The following DLG2 variants were observed in gnomAD, a reference collection of about 807,000 sequenced individuals.
The protein encoded by DLG2 is disks large homolog 2.
In DLG2, 45 loss-of-function variants were observed where a neutral mutation model predicts 132.5. The ratio of observed to expected loss-of-function variants is 0.34; its 90% CI spans 0.27 to 0.44. The LOEUF is 0.44. Among genes scored for constraint, DLG2 ranks in the 20% least tolerant of loss-of-function variants. The probability of loss-of-function intolerance (pLI) is 1.00; values close to 1 mark genes in which losing one functional copy is unlikely to be tolerated. For synonymous variants in DLG2, 424 were observed against 419.6 expected, an observed-to-expected ratio of 1.01 and a Z score of -0.13; for missense variants, 1,045 against 1,196.9, an observed-to-expected ratio of 0.87 and a Z score of 1.87.
chr11:83,986,930 G>A (rs1190436441), intron 11 of DLG2, among the ~76,000 whole-genome samples: 4 of 152,054 alleles, frequency 2.6e-5, no homozygotes, highest in Non-Finnish European at 5.9e-5. Context: ...TTGTAAATTT[G>A]TTTGAGTTCA....
intron 6 of DLG2, among the ~76,000 whole-genome samples, chr11:85,107,736 T>A (rs1425337543): frequency 6.6e-6 from 1 of 151,854 alleles, no homozygotes; most frequent in Non-Finnish European, 1.5e-5. Context: ...AGGAAGGCTA[T>A]CATTCTAGTG....
At chr11:84,116,987 C>A (rs987109325) in intron 9 of DLG2, among the ~76,000 whole-genome samples, 2 of 152,152 alleles carry the variant, frequency 1.3e-5, no homozygotes, top group African/African-American at 4.8e-5. Context: ...AATCAAACCC[C>A]AGTATTCACT....
intron 6 of DLG2, among the ~76,000 whole-genome samples, chr11:85,069,726 A>C (rs1057401052): frequency 4.6e-5 from 7 of 152,176 alleles, no homozygotes. Context: ...TAGTTTAACC[A>C]TTGTGGAAGT....
chr11:84,513,721 T>C (rs553191515), intron 7 of DLG2, among the ~76,000 whole-genome samples: 16 of 151,376 alleles, frequency 1.1e-4, no homozygotes, highest in Admixed American at 5.3e-4. Context: ...CCTGATACTA[T>C]GAAAGCATCA....
At chr11:84,840,095 C>T (rs2154006698) in intron 6 of DLG2, among the ~76,000 whole-genome samples, 1 of 152,126 alleles carries the variant, frequency 6.6e-6, no homozygotes, top group Non-Finnish European at 1.5e-5. Context: ...ACCCATCTGA[C>T]AAAGGGCTAA....
At chr11:85,354,879 A>C (rs944677620) in intron 3 of DLG2, among the ~76,000 whole-genome samples, 11 of 152,068 alleles carry the variant, frequency 7.2e-5, no homozygotes, top group African/African-American at 2.4e-4. Context: ...AAGACACTAC[A>C]AAAGTGAAAG....
At chr11:85,236,508 G>A (rs1257026270) in intron 4 of DLG2, among the ~76,000 whole-genome samples, 1 of 151,908 alleles carries the variant, frequency 6.6e-6, no homozygotes, top group Non-Finnish European at 1.5e-5. Context: ...TTGAATGAGG[G>A]TCTCACCCTG....
chr11:83,704,324 C>T (rs1407072371), intron 18 of DLG2, among the ~76,000 whole-genome samples: 1 of 151,974 alleles, frequency 6.6e-6, no homozygotes, highest in Non-Finnish European at 1.5e-5. Context: ...TATAACCTCC[C>T]TTATGTATTT....
chr11:83,720,149 C>T (rs1004671985), intron 18 of DLG2, among the ~76,000 whole-genome samples: 1 of 151,612 alleles, frequency 6.6e-6, no homozygotes, highest in African/African-American at 2.4e-5. Flanking sequence ...AAAAAATTAG[C>T]TGAGCATGGT....
chr11:84,499,924 G>A (rs2079414721), intron 7 of DLG2, among the ~76,000 whole-genome samples: 2 of 152,142 alleles, frequency 1.3e-5, no homozygotes, highest in South Asian at 2.1e-4. Context: ...GTCTGATCAT[G>A]GGCAAGATTA....
intron 3 of DLG2, among the ~76,000 whole-genome samples, chr11:85,413,780 C>T (rs1304798653): frequency 6.6e-6 from 1 of 151,990 alleles, no homozygotes; most frequent in Admixed American, 6.6e-5. Flanking sequence ...TATACCAGTG[C>T]CATGCTGTTT....
chr11:84,263,940 T>C (rs1384351805), intron 7 of DLG2, among the ~76,000 whole-genome samples: 1 of 152,172 alleles, frequency 6.6e-6, no homozygotes. Flanking sequence ...TGGGCGCTCA[T>C]TACAAGACGA....
chr11:83,808,304 C>T (rs2046438123), intron 17 of DLG2, among the ~76,000 whole-genome samples: 1 of 152,136 alleles, frequency 6.6e-6, no homozygotes, highest in Non-Finnish European at 1.5e-5. Context: ...ATTCCTGTGG[C>T]CAAGTTCAGT....
chr11:84,393,075 C>A (rs991254412), intron 7 of DLG2, among the ~76,000 whole-genome samples: 1 of 152,108 alleles, frequency 6.6e-6, no homozygotes, highest in Non-Finnish European at 1.5e-5. Context: ...AACGTGTGAG[C>A]TATAATGTGT....
At chr11:83,706,083 T>C (rs1464436993) in intron 18 of DLG2, among the ~76,000 whole-genome samples, 1 of 152,010 alleles carries the variant, frequency 6.6e-6, no homozygotes, top group Admixed American at 6.6e-5. Flanking sequence ...CTGGGCATGG[T>C]GGCGGGTGCC....
At chr11:85,360,518 GCTGTAAGT>G (rs2084063544) in intron 3 of DLG2, among the ~76,000 whole-genome samples, 1 of 152,110 alleles carries the variant, frequency 6.6e-6, no homozygotes, top group African/African-American at 2.4e-5. Context: ...CCTCCTCATA[GCTGTAAGT>G]CTTATTTTTG....
chr11:83,809,385 G>C (rs949404717), intron 17 of DLG2, among the ~76,000 whole-genome samples: 1 of 152,116 alleles, frequency 6.6e-6, no homozygotes, highest in African/African-American at 2.4e-5. Context: ...TCTAAGTCAA[G>C]GACAAGCCTC....
chr11:84,428,523 G>A (rs2098974315), intron 7 of DLG2, among the ~76,000 whole-genome samples: 1 of 152,214 alleles, frequency 6.6e-6, no homozygotes. Context: ...TTTCCAGTGA[G>A]CTCTCTTTCC....
intron 6 of DLG2, among the ~76,000 whole-genome samples, chr11:84,650,164 A>C (rs1381048872): frequency 6.6e-6 from 1 of 152,136 alleles, no homozygotes; most frequent in Non-Finnish European, 1.5e-5. Flanking sequence ...CCTCTATTTT[A>C]ACTTTTTCCT....
Sources: gnomAD v4.1 joint callset for allele counts (sites outside exome capture counted in the v4.1 genomes callset) on GRCh38, gnomAD v4.1.1 for gene constraint, MANE v1.5 for transcripts, NCBI Gene and HGNC (gene_info 2026-07-23, HGNC 2026-07-21) for gene names.